The following B3GALT5 variants were observed in gnomAD, a reference collection of about 807,000 sequenced individuals.
The protein encoded by B3GALT5 is UDP-Gal:betaGlcNAc beta 1,3-galactosyltransferase, polypeptide 5.
For missense variants in B3GALT5, 328 were observed against 396.6 expected (o/e 0.83, Z 1.47); for synonymous variants, 156 against 158.6 (o/e 0.98, Z 0.12).
At chr21:39,617,660 G>A (rs890436138) in intron 1 of B3GALT5, among the ~76,000 whole-genome samples, 4 of 152,204 alleles carry the variant, frequency 2.6e-5, no homozygotes, top group African/African-American at 7.2e-5. Context: ...CCATATCACA[G>A]CTGTAGTTCA....
chr21:39,613,849 G>A (rs1277815566), intron 1 of B3GALT5, among the ~76,000 whole-genome samples: 3 of 152,216 alleles, frequency 2.0e-5, no homozygotes, highest in African/African-American at 7.2e-5. Context: ...TCAGATGTTG[G>A]AAAATTATTT....
chr21:39,649,482 G>A (rs1221295333), intron 2 of B3GALT5, among the ~76,000 whole-genome samples: 1 of 152,214 alleles, frequency 6.6e-6, no homozygotes, highest in Non-Finnish European at 1.5e-5. Context: ...AGAAAAGCCA[G>A]AGCTGGAGGT....
Position 39,669,197 on chromosome 21 carries a change from T to C in B3GALT5, c.*7705T>C, listed in dbSNP as rs2079605961. On this transcript the variant is annotated 3_prime_UTR_variant, in exon 4 of 4. Coordinates refer to ENST00000684187, the MANE Select transcript of B3GALT5 (RefSeq NM_001356336.2). ...GCACTGTGTTCTTGACCCTCTTAAT[T>C]CAGAATATGTGAAAATCTGAATGAG... is the stretch of plus-strand genomic sequence containing the variant. 1 of 152,172 alleles carries C rather than the reference T, an allele frequency of 6.6e-6. No homozygotes were observed. 9.4% of individuals were successfully genotyped at this position (152,172 alleles called of 1,614,324 possible).
chr21:39,622,464 TATA>T (rs2079139047), intron 1 of B3GALT5, among the ~76,000 whole-genome samples: 1 of 152,070 alleles, frequency 6.6e-6, no homozygotes, highest in African/African-American at 2.4e-5. Flanking sequence ...CTATCTATAT[TATA>T]ATAATTTATG....
At position 39,669,551 on chromosome 21, in the gene B3GALT5, C is replaced by T. The variant is rs2079609145; in HGVS notation, c.*8059C>T. Reference sequence around the variant, plus strand: ...AATGCTGAGAAGATTATCAGGGGCACCTGATCCCTTGACAGCTGAATAAAG... The same window carrying T: ...AATGCTGAGAAGATTATCAGGGGCATCTGATCCCTTGACAGCTGAATAAAG... On this transcript the variant is annotated 3_prime_UTR_variant, in exon 4 of 4. Coordinates refer to ENST00000684187, the MANE Select transcript of B3GALT5 (RefSeq NM_001356336.2). 6.6e-6 allele frequency: 1 copy of T among 152,102 alleles called. No homozygotes were observed. The highest frequency in any genetic ancestry group is 2.4e-5 in the African/African-American group (1 of 41,404). The allele number at this position is 152,102 out of a possible 1,614,324, so 9.4% of individuals were successfully genotyped here. A position where few individuals can be genotyped will look rare whatever the true frequency, so the allele number is the denominator to read the frequency against.
At chr21:39,647,456 A>G (rs2079351609) in intron 2 of B3GALT5, among the ~76,000 whole-genome samples, 1 of 152,144 alleles carries the variant, frequency 6.6e-6, no homozygotes, top group Non-Finnish European at 1.5e-5. Context: ...CTCGGGCCTC[A>G]GTCTCCTGAG....
intron 1 of B3GALT5, among the ~76,000 whole-genome samples, chr21:39,620,362 T>G (rs2123684445): frequency 6.6e-6 from 1 of 152,358 alleles, no homozygotes. Flanking sequence ...TTTTCTTATA[T>G]GCAGACTGAA....
At chr21:39,651,291 G>C (rs1404517) in intron 2 of B3GALT5, among the ~76,000 whole-genome samples, 45,327 of 152,082 alleles carry the variant, frequency 0.3, 7,322 homozygotes, top group Middle Eastern at 0.38. Context: ...GACATTTGCT[G>C]TCTCAGGGCT....
At chr21:39,639,343 TTTCTTTCCTTCC>T (rs1373020707) in intron 1 of B3GALT5, among the ~76,000 whole-genome samples, 57 of 86,800 alleles carry the variant, frequency 6.6e-4, no homozygotes, top group East Asian at 6.2e-3. Context: ...TCTTTCTTTC[TTTCTTTCCTTCC>T]TTCCTTCCTT....
Position 39,640,179 on chromosome 21 carries a change from A to G in B3GALT5, c.-391-6213A>G, listed in dbSNP as rs185378300. On this transcript the variant is annotated intron_variant, in intron 1 of 3. Transcript: ENST00000684187. ...AGCTCTCACTCTTAGTGACAGGCAG[A>G]AACAGCCTTGCAACCAGGCTGCCTG... 1.9e-3 allele frequency among the ~76,000 whole-genome samples: 294 copies of G among 152,280 alleles called. 3 individuals are homozygous for G. The East Asian group carries it at 0.023, about 12-fold the overall frequency.
intron 1 of B3GALT5, among the ~76,000 whole-genome samples, chr21:39,643,454 G>A (rs1275800700): frequency 6.6e-6 from 1 of 151,948 alleles, no homozygotes; most frequent in Non-Finnish European, 1.5e-5. Flanking sequence ...AGCAAAGCCT[G>A]TGTGAAAAGC....
At chr21:39,616,256 C>T (rs2079106905) in intron 1 of B3GALT5, among the ~76,000 whole-genome samples, 1 of 152,120 alleles carries the variant, frequency 6.6e-6, no homozygotes, top group African/African-American at 2.4e-5. Context: ...GTTTGCAATG[C>T]TCTCTCTCTT....
intron 2 of B3GALT5, among the ~76,000 whole-genome samples, chr21:39,650,093 G>A (rs1234307368): frequency 3.3e-5 from 5 of 152,196 alleles, no homozygotes; most frequent in Admixed American, 3.3e-4. Context: ...CCTGCCCCAG[G>A]GGAGGTGATC....
chr21:39,646,461 A>G lies in B3GALT5; in HGVS notation c.-322A>G, dbSNP rs2079340944. ...AGTAAGAAAATGTATCCAAGTCACA[A>G]AGAAACATAATTTGGCTTTTGGAGA... On this transcript the variant is annotated 5_prime_UTR_variant, in exon 2 of 4. Coordinates refer to ENST00000684187, the MANE Select transcript of B3GALT5 (RefSeq NM_001356336.2). The G allele has an allele frequency of 6.6e-6, 1 of 152,210 alleles. No homozygotes were observed. Among genetic ancestry groups the G allele is most frequent in the African/African-American group, 2.4e-5 (1 of 41,464 alleles). The allele number at this position is 152,210 out of a possible 1,614,324, so 9.4% of individuals were successfully genotyped here. A position where few individuals can be genotyped will look rare whatever the true frequency, so the allele number is the denominator to read the frequency against.
Position 39,661,428 on chromosome 21 carries a change from G to A in B3GALT5, c.869G>A (p.Arg290Gln), listed in dbSNP as rs376663833. The A allele has an allele frequency of 3.0e-5, 46 of 1,533,458 alleles. No homozygotes were observed. The African/African-American group carries it at 4.6e-4, about 15-fold the overall frequency. 95.0% of individuals were successfully genotyped at this position (1,533,458 alleles called of 1,614,324 possible). The change falls in exon 4 of 4, where the codon CGG (arginine) becomes CAG (glutamine). Residue 290 changes from arginine (R) to glutamine (Q), a missense_variant. Arg to Gln is a conservative substitution (Grantham distance 43, BLOSUM62 1). Coordinates refer to ENST00000684187, the MANE Select transcript of B3GALT5 (RefSeq NM_001356336.2). The surrounding 1 kb of genome is among the most constrained non-coding windows in gnomAD (Gnocchi z 4.7). ...RIVACHFIKPRTLLDYWQALE... is the reference protein window; with the variant it reads ...RIVACHFIKPQTLLDYWQALE... ...GTGGCCTGCCACTTCATCAAGCCTC[G>A]GACTCTCTTGGACTACTGGCAGGCT...
chr21:39,623,289 T>C (rs894593520), intron 1 of B3GALT5, among the ~76,000 whole-genome samples: 3 of 143,328 alleles, frequency 2.1e-5, no homozygotes, highest in Non-Finnish European at 4.6e-5. Context: ...CTTCCTTCCT[T>C]CCTCTGTTTC....
At chr21:39,624,098 T>A (rs185156905) in intron 1 of B3GALT5, among the ~76,000 whole-genome samples, 32 of 152,318 alleles carry the variant, frequency 2.1e-4, no homozygotes, top group African/African-American at 7.0e-4. Context: ...CTCATTTATC[T>A]CCAGAGGATC....
intron 1 of B3GALT5, among the ~76,000 whole-genome samples, chr21:39,616,587 A>C (rs2079108254): frequency 6.6e-6 from 1 of 151,918 alleles, no homozygotes; most frequent in Non-Finnish European, 1.5e-5. Context: ...TTTATTTGTC[A>C]AGCATATTTA....
Position 39,660,946 on chromosome 21 carries a change from C to T in B3GALT5, c.387C>T (p.Tyr129=). 1.7e-5 allele frequency: 27 copies of T among 1,606,438 alleles called. No individual in the cohort carries two copies. The highest frequency in any genetic ancestry group is 2.3e-5 in the Non-Finnish European group (27 of 1,175,542). The part of the protein sequence containing the change: ...IIQKDFLDVY[Y]NLTLKTMMGI... ...AGAAGGATTTCCTAGACGTCTATTA[C>T]AATCTGACCCTGAAGACCATGATGG... The change falls in exon 4 of 4, where the codon TAC becomes TAT. Residue 129 remains tyrosine, a synonymous_variant. Coordinates refer to ENST00000684187, the MANE Select transcript of B3GALT5 (RefSeq NM_001356336.2).
Sources: allele counts gnomAD v4.1 joint callset (sites outside exome capture counted in the v4.1 genomes callset), GRCh38; gene constraint gnomAD v4.1.1; non-coding constraint Gnocchi (gnomAD v3.1); transcripts MANE v1.5; gene names NCBI Gene and HGNC (gene_info 2026-07-23, HGNC 2026-07-21).